RAD51B: variants seen among roughly 807,000 people sequenced by gnomAD.
The protein encoded by RAD51B is DNA repair protein RAD51 homolog 2.
RAD51B carries 38 observed loss-of-function variants against 42.2 expected under a neutral mutation model. That is an observed-to-expected ratio of 0.90 (90% CI 0.70 to 1.18). RAD51B has a LOEUF of 1.18. Ranked by LOEUF, RAD51B falls within the 50% of genes most tolerant of loss-of-function variation. The pLI, the probability that RAD51B is intolerant of heterozygous loss-of-function variation, is 0.00. For missense variants in RAD51B, 373 were observed against 400.7 expected (o/e 0.93, Z 0.59); for synonymous variants, 154 against 145.2 (o/e 1.06, Z -0.43).
chr14:68,569,706 A>G (rs1889598640), intron 10 of RAD51B, among the ~76,000 whole-genome samples: 1 of 152,182 alleles, frequency 6.6e-6, no homozygotes, highest in African/African-American at 2.4e-5. Context: ...ATGCCCCTCT[A>G]AAAGGGCCAG....
intron 9 of RAD51B, among the ~76,000 whole-genome samples, chr14:68,441,598 T>C (rs1172994984): frequency 6.9e-6 from 1 of 144,790 alleles, no homozygotes; most frequent in East Asian, 2.0e-4. Flanking sequence ...ATAACATACA[T>C]ACATAAACTA....
intron 7 of RAD51B, among the ~76,000 whole-genome samples, chr14:68,037,966 A>G (rs2076160350): frequency 6.6e-6 from 1 of 152,252 alleles, no homozygotes; most frequent in East Asian, 1.9e-4. Context: ...TTGAATGTTC[A>G]TCCTTTTGAT....
intron 4 of RAD51B, among the ~76,000 whole-genome samples, chr14:67,847,351 A>G (rs1023417617): frequency 3.6e-5 from 3 of 82,482 alleles, no homozygotes; most frequent in Admixed American, 1.3e-4. Flanking sequence ...TTTTTTTTCT[A>G]ATTCCATTAG....
intron 8 of RAD51B, among the ~76,000 whole-genome samples, chr14:68,325,987 T>TTCA (rs1223515053): frequency 6.6e-6 from 1 of 152,100 alleles, no homozygotes; most frequent in Non-Finnish European, 1.5e-5. Flanking sequence ...ACAATTTATT[T>TTCA]TCATCTTTTA....
chr14:67,878,488 A>G (rs1478344024), intron 5 of RAD51B, among the ~76,000 whole-genome samples: 1 of 151,848 alleles, frequency 6.6e-6, no homozygotes, highest in Middle Eastern at 3.4e-3. Flanking sequence ...TGGTTATGCT[A>G]TCTTTTGTTA....
rs570367092 is a variant in RAD51B at position 68,156,994 on chromosome 14, C to T, written c.757-134890C>T. 2.7e-4 allele frequency among the ~76,000 whole-genome samples: 41 copies of T among 152,096 alleles called. 1 individual carries two copies. Among genetic ancestry groups the T allele is most frequent in the Middle Eastern group, 6.8e-3 (2 of 294 alleles). The stretch of plus-strand genomic sequence containing the variant: ...AGGCAGATGCTTGAGCTCAGGAGTT[C>T]GAGACCAGCCTGGGCAACATGGTGA... On this transcript the variant is annotated intron_variant, in intron 7 of 10. Transcript: ENST00000471583.
At chr14:67,989,989 A>G (rs2075266414) in intron 7 of RAD51B, among the ~76,000 whole-genome samples, 1 of 146,168 alleles carries the variant, frequency 6.8e-6, no homozygotes, top group African/African-American at 2.6e-5. Flanking sequence ...TTTTACTTTT[A>G]ACATCTTTTT....
chr14:68,331,829 T>C (rs1410200050), intron 8 of RAD51B, among the ~76,000 whole-genome samples: 4 of 152,216 alleles, frequency 2.6e-5, no homozygotes, highest in African/African-American at 9.7e-5. Flanking sequence ...AGTTTTCAAG[T>C]TGCAGGGAAA....
intron 7 of RAD51B, among the ~76,000 whole-genome samples, chr14:68,261,700 A>T (rs1173724677): frequency 1.3e-5 from 2 of 152,184 alleles, no homozygotes; most frequent in African/African-American, 4.8e-5. Flanking sequence ...TCTAGAATAC[A>T]ATCCCCACGT....
chr14:68,402,171 T>C (rs2084124547), intron 8 of RAD51B, among the ~76,000 whole-genome samples: 1 of 152,270 alleles, frequency 6.6e-6, no homozygotes. Context: ...ACCTTTGTCC[T>C]GTGGTCTCAC....
intron 10 of RAD51B, among the ~76,000 whole-genome samples, chr14:68,495,912 C>A (rs1884475932): frequency 6.6e-6 from 1 of 152,214 alleles, no homozygotes. Context: ...CACGCAAGTC[C>A]AGTGGCTTTA....
intron 7 of RAD51B, among the ~76,000 whole-genome samples, chr14:68,206,947 G>A (rs868006195): frequency 4.0e-5 from 6 of 151,894 alleles, no homozygotes; most frequent in South Asian, 4.2e-4. Context: ...CCGCCAACGC[G>A]CCCGGCTAAT....
At chr14:68,098,018 G>T (rs889075139) in intron 7 of RAD51B, among the ~76,000 whole-genome samples, 1 of 152,136 alleles carries the variant, frequency 6.6e-6, no homozygotes, top group African/African-American at 2.4e-5. Flanking sequence ...TACTCACTTT[G>T]CCTGTCGGAT....
chr14:68,395,648 A>G (rs2083895508), intron 8 of RAD51B, among the ~76,000 whole-genome samples: 1 of 152,120 alleles, frequency 6.6e-6, no homozygotes, highest in Non-Finnish European at 1.5e-5. Context: ...GCTTCTGTGG[A>G]TCTGGTACAG....
intron 7 of RAD51B, among the ~76,000 whole-genome samples, chr14:68,192,043 T>C (rs1357035369): frequency 6.6e-6 from 1 of 152,168 alleles, no homozygotes; most frequent in Non-Finnish European, 1.5e-5. Flanking sequence ...ATTACTGACT[T>C]CCCAGCCATG....
Position 67,871,884 on chromosome 14 carries a change from A to G in RAD51B, c.452+6745A>G, listed in dbSNP as rs1404238808. On this transcript the variant is annotated intron_variant, in intron 5 of 10. Coordinates refer to ENST00000471583, the MANE Select transcript of RAD51B (RefSeq NM_133510.4). ...CAGAAGAGGCCTTTGACAAAATTCA[A>G]CAGCCCTTCATGCTAAAAACTCTCA... Among the ~76,000 whole-genome samples, 9 of 152,294 alleles carry G rather than the reference A, an allele frequency of 5.9e-5. No individual in the cohort carries two copies. The East Asian group carries it at 1.7e-3, about 29-fold the overall frequency.
At chr14:68,527,648 T>A (rs1412377841) in intron 10 of RAD51B, among the ~76,000 whole-genome samples, 2 of 152,286 alleles carry the variant, frequency 1.3e-5, no homozygotes, top group African/African-American at 4.8e-5. Context: ...AACTTCCTTG[T>A]GCCTGTTGGT....
chr14:68,044,528 C>G (rs979065389), intron 7 of RAD51B, among the ~76,000 whole-genome samples: 1 of 151,830 alleles, frequency 6.6e-6, no homozygotes, highest in African/African-American at 2.4e-5. Flanking sequence ...AGAGATCCAC[C>G]CTGGTTTCCA....
intron 10 of RAD51B, among the ~76,000 whole-genome samples, chr14:68,617,409 T>C (rs1891848150): frequency 6.6e-6 from 1 of 152,228 alleles, no homozygotes; most frequent in South Asian, 2.1e-4. Flanking sequence ...CAGAATCCCA[T>C]GTGAACTCTG....
Sources: gnomAD v4.1 joint callset for allele counts (sites outside exome capture counted in the v4.1 genomes callset) on GRCh38, gnomAD v4.1.1 for gene constraint, MANE v1.5 for transcripts, NCBI Gene and HGNC (gene_info 2026-07-23, HGNC 2026-07-21) for gene names.